The following DSP variants were observed in gnomAD, a reference collection of about 807,000 sequenced individuals.
DSP encodes the protein desmoplakin.
A neutral mutation model predicts 290.6 loss-of-function variants in DSP; 114 were observed. That is an observed-to-expected ratio of 0.39 (90% CI 0.34 to 0.46). The LOEUF is 0.46. DSP is among the 20% of genes least tolerant of loss of function. DSP has a pLI of 0.99. For synonymous variants in DSP, 1,311 were observed against 1,316.4 expected (o/e 1.00, Z 0.09); for missense variants, 3,230 against 3,495.8 (o/e 0.92, Z 1.92).
chr6:7,557,324 C>A (rs1758530875), intron 2 of DSP, among the ~76,000 whole-genome samples: 1 of 152,356 alleles, frequency 6.6e-6, no homozygotes, highest in Admixed American at 6.5e-5. Flanking sequence ...TATAGCGCAT[C>A]ATCAAAACCA....
At chr6:7,555,648 C>T (rs964361883) in intron 1 of DSP, 70 bp from the exon 2 acceptor site, 5 of 1,481,196 alleles carry the variant, frequency 3.4e-6, no homozygotes, top group Non-Finnish European at 4.7e-6. Context: ...GCAACTTTTG[C>T]AAGTTTGAAA....
At position 7,542,096 on chromosome 6, in the gene DSP, G is replaced by A. The variant is rs727505007; in HGVS notation, c.170+11G>A. The stretch of plus-strand genomic sequence containing the variant: ...CTCGGACGGCTACTGGTGGGTACCT[G>A]CCCGGAGAGCGCGGGCTGCGGGGCT... On this transcript the variant is annotated intron_variant, in intron 1 of 23. Transcript: ENST00000379802. 3 of 1,554,844 alleles carry A rather than the reference G, an allele frequency of 1.9e-6. No homozygotes were observed. Among genetic ancestry groups the A allele is most frequent in the South Asian group, 2.4e-5 (2 of 84,350 alleles).
In DSP at chr6:7,579,865, C is replaced by T; in HGVS notation, c.3675C>T (p.Ser1225=). The T allele has an allele frequency of 4.3e-6, 7 of 1,614,030 alleles. No homozygotes were observed. The highest frequency in any genetic ancestry group is 5.9e-6 in the Non-Finnish European group (7 of 1,180,016). Residue 1225 remains serine (S), a synonymous_variant, in exon 23 of 24, where the codon TCC becomes TCT. Coordinates refer to ENST00000379802, the MANE Select transcript of DSP (RefSeq NM_004415.4). This position sits in a 1 kb window ranked among gnomAD's most constrained non-coding sequence, Gnocchi z 4.1. ...CGAAGACCACCATCAAGGAGATATC[C>T]ATGCAAAAAGAGGATGATTCCAAAA... is the stretch of plus-strand genomic sequence containing the variant. ...NITKTTIKEI[S]MQKEDDSKNL...
In DSP at chr6:7,582,924, AGT is replaced by A; in HGVS notation, c.5664_5665del (p.Ser1888ArgfsTer8). ...GAAGATAGAATCGGAAAGAGAAAAG[AGT>A]GAGAGAGAGAAGAACAGTCTTAGGA... ...IRKIESEREKSEREKNSLRSE... is the reference protein window; with the variant it reads ...IRKIESEREKXEREKNSLRSE... On this transcript the variant is annotated frameshift_variant, in exon 24 of 24. Transcript: ENST00000379802. LOFTEE classifies it high-confidence loss of function. The surrounding 1 kb of genome is among the most constrained non-coding windows in gnomAD (Gnocchi z 4.2). The A allele has an allele frequency of 6.2e-7, 1 of 1,614,108 alleles. No individual in the cohort carries two copies. The highest frequency in any genetic ancestry group is 8.5e-7 in the Non-Finnish European group (1 of 1,180,034).
chr6:7,586,181 T>G lies in DSP; in HGVS notation c.*303T>G. On this transcript the variant is annotated 3_prime_UTR_variant, in exon 24 of 24. Transcript: ENST00000379802. ...CTTCTGTGTTTCGATTTTTGATCAA[T>G]TCTTTAATTTTGGAAGCCTATAATA... 1 of 290,356 alleles carries G rather than the reference T, an allele frequency of 3.4e-6. No individual in the cohort carries two copies. The highest frequency in any genetic ancestry group is 6.4e-6 in the Non-Finnish European group (1 of 155,204). The allele number at this position is 290,356 out of a possible 1,614,324, so 18.0% of individuals were successfully genotyped here.
intron 4 of DSP, among the ~76,000 whole-genome samples, chr6:7,559,902 T>C (rs1758627401): frequency 6.6e-6 from 1 of 152,234 alleles, no homozygotes; most frequent in African/African-American, 2.4e-5. Flanking sequence ...TTGCTTACCT[T>C]AGACTTTTGA....
chr6:7,585,801 A>C lies in DSP; in HGVS notation c.8539A>C (p.Arg2847=), dbSNP rs113629968. Residue 2847 remains arginine (R), a synonymous_variant, in exon 24 of 24, where the codon AGA becomes CGA. Coordinates refer to ENST00000379802, the MANE Select transcript of DSP (RefSeq NM_004415.4). The part of the protein sequence containing the change: ...SRSGSRSGSR[R]GSFDATGNSS... The stretch of plus-strand genomic sequence containing the variant: ...CTCCGGGTCCCGCAGTGGGTCCCGG[A>C]GAGGAAGCTTTGACGCCACAGGGAA... The C allele has an allele frequency of 2.5e-5, 40 of 1,610,956 alleles. No individual in the cohort carries two copies. The highest frequency in any genetic ancestry group is 2.3e-4 in the African/African-American group (17 of 74,720).
At chr6:7,554,817 A>G (rs1247909840) in intron 1 of DSP, among the ~76,000 whole-genome samples, 2 of 152,018 alleles carry the variant, frequency 1.3e-5, no homozygotes, top group East Asian at 3.9e-4. Context: ...GCTAATTTAA[A>G]AACAATCTTT....
chr6:7,581,583 C>T lies in DSP; in HGVS notation c.5379+14C>T, dbSNP rs1289381142. 2 of 1,611,672 alleles carry T rather than the reference C, an allele frequency of 1.2e-6. No homozygotes were observed. Among genetic ancestry groups the T allele is most frequent in the Admixed American group, 1.7e-5 (1 of 60,022 alleles). On this transcript the variant is annotated intron_variant, in intron 23 of 23. Transcript: ENST00000379802. ...CAGGCTTTAGAGGTATTCACAAATACTTGATCACAGCTTCACTGTTTCTCA... is the reference window on the plus strand; with the variant it reads ...CAGGCTTTAGAGGTATTCACAAATATTTGATCACAGCTTCACTGTTTCTCA...
At chr6:7,562,280 A>G (rs1420465095) in intron 4 of DSP, among the ~76,000 whole-genome samples, 1 of 152,144 alleles carries the variant, frequency 6.6e-6, no homozygotes, top group East Asian at 1.9e-4. Flanking sequence ...ACATTTAAGA[A>G]TGATTAAATG....
chr6:7,564,735 T>G (rs1433878900), intron 6 of DSP, among the ~76,000 whole-genome samples: 1 of 152,226 alleles, frequency 6.6e-6, no homozygotes, highest in Non-Finnish European at 1.5e-5. Flanking sequence ...ATATCCCACT[T>G]ATCCTGATTT....
rs1759072319 is a variant in DSP, at chr6:7,572,016, T to C, written c.2078T>C (p.Leu693Pro). The C allele has an allele frequency of 6.2e-7, 1 of 1,614,072 alleles. No homozygotes were observed. Among genetic ancestry groups the C allele is most frequent in the Non-Finnish European group, 8.5e-7 (1 of 1,180,038 alleles). ...AGGATGACTCTCAAAAACCTCCCTC[T>C]AGCAGACCAGGGATCTTCTCACCAC... ...EGRMTLKNLPLADQGSSHHIT... is the reference protein window; with the variant it reads ...EGRMTLKNLPPADQGSSHHIT... The change falls in exon 15 of 24, where the codon CTA (leucine) becomes CCA (proline). Residue 693 changes from leucine to proline, a missense_variant. Coordinates refer to ENST00000379802, the MANE Select transcript of DSP (RefSeq NM_004415.4).
chr6:7,567,962 C>T, intron 10 of DSP, 56 bp downstream of exon 10: 1 of 1,605,206 alleles, frequency 6.2e-7, no homozygotes, highest in Admixed American at 1.7e-5. Flanking sequence ...AGATAAAACA[C>T]ATGCCTTGGA....
rs1758740554 is a variant in DSP, at chr6:7,562,758, T to G, written c.704T>G (p.Leu235Arg). ...TCCATCGGCGACTATCGCTGGCAGC[T>G]GGACAAAATCAAAGCCGACCTGGTA... ...HNSIGDYRWQ[L>R]DKIKADLREK... The change falls in exon 5 of 24, where the codon CTG (leucine) becomes CGG (arginine). Residue 235 changes from leucine (L) to arginine (R), a missense_variant. Around this residue, in one of 5 missense-constraint regions of DSP, gnomAD observed 646 missense variants for 684.3 expected, o/e 0.94. Coordinates refer to ENST00000379802, the MANE Select transcript of DSP (RefSeq NM_004415.4). The G allele has an allele frequency of 6.2e-7, 1 of 1,614,158 alleles. No homozygotes were observed.
rs1759572573 is a variant in DSP, at chr6:7,584,743, A to G, written c.7481A>G (p.Lys2494Arg). 1.2e-6 allele frequency: 2 copies of G among 1,614,236 alleles called. No homozygotes were observed. The highest frequency in any genetic ancestry group is 1.7e-6 in the Non-Finnish European group (2 of 1,180,052). Residue 2494 changes from lysine to arginine, a missense_variant, in exon 24 of 24, where the codon AAA becomes AGA. Lys to Arg is a conservative substitution (Grantham distance 26, BLOSUM62 2). This residue lies in a region of DSP where 582 missense variants were observed against 555.4 expected (regional missense o/e 1.05). Coordinates refer to ENST00000379802, the MANE Select transcript of DSP (RefSeq NM_004415.4). This position sits in a 1 kb window ranked among gnomAD's most constrained non-coding sequence, Gnocchi z 6.4. ...KKGLIDYETF[K>R]ELCEQECEWE... ...GGCCTAATTGATTATGAAACCTTCA[A>G]AGAACTGTGTGAGCAGGAATGTGAA... is the stretch of plus-strand genomic sequence containing the variant.
intron 8 of DSP, among the ~76,000 whole-genome samples, 165 bp from the exon 9 acceptor site, chr6:7,567,189 A>G (rs1342628332): frequency 6.6e-6 from 1 of 152,154 alleles, no homozygotes; most frequent in Non-Finnish European, 1.5e-5. Flanking sequence ...ATACCAAGAG[A>G]TATATGGTGA....
intron 15 of DSP, among the ~76,000 whole-genome samples, chr6:7,572,583 C>T (rs1257727368): frequency 6.6e-6 from 1 of 152,198 alleles, no homozygotes. Flanking sequence ...AGGCCATACT[C>T]AAGAAAGAAA....
chr6:7,561,367 G>A (rs769555462), intron 4 of DSP, among the ~76,000 whole-genome samples: 4 of 152,106 alleles, frequency 2.6e-5, no homozygotes, highest in East Asian at 1.9e-4. Context: ...CTGCAGGTTC[G>A]CTCTGGGATT....
At chr6:7,562,848 C>CTT in intron 5 of DSP, 68 bp downstream of exon 5, 1 of 1,603,374 alleles carries the variant, frequency 6.2e-7, no homozygotes, top group Non-Finnish European at 8.5e-7. Flanking sequence ...TTACTCAATC[C>CTT]CAGGGAGTTT....
Sources: gnomAD v4.1 joint callset for allele counts (sites outside exome capture counted in the v4.1 genomes callset) on GRCh38, gnomAD v4.1.1 for gene constraint, gnomAD v4.1.1 regional missense constraint, Gnocchi (gnomAD v3.1) non-coding constraint, MANE v1.5 for transcripts, NCBI Gene and HGNC (gene_info 2026-07-23, HGNC 2026-07-21) for gene names.